Variants in OR2M3 observed in about 807,000 individuals in gnomAD.
OR2M3 encodes the protein olfactory receptor 2M3.
OR2M3 carries 1 observed loss-of-function variant against 4.3 expected under a neutral mutation model. That is an observed-to-expected ratio of 0.23 (90% CI 0.08 to 1.11). The LOEUF is 1.11. Ranked by LOEUF, OR2M3 falls within the 50% of genes most tolerant of loss-of-function variation. OR2M3 has a pLI of 0.54. For missense variants in OR2M3, 410 were observed against 390.4 expected (o/e 1.05, Z -0.42); for synonymous variants, 151 against 139.4 (o/e 1.08, Z -0.59).
Position 248,206,345 on chromosome 1 carries a change from A to G in OR2M3, c.*2339A>G, listed in dbSNP as rs1471830898. The G allele has an allele frequency of 3.3e-5, 5 of 151,998 alleles. No individual in the cohort carries two copies. The highest frequency in any genetic ancestry group is 9.7e-5 in the African/African-American group (4 of 41,388). The allele number at this position is 151,998 out of a possible 1,614,324, so 9.4% of individuals were successfully genotyped here. A position where few individuals can be genotyped will look rare whatever the true frequency, so the allele number is the denominator to read the frequency against. ...GGACTTTCAGTATTATCTTGAACAG[A>G]CATGGTGAAAGTGGACATCCTTGTC... On this transcript the variant is annotated 3_prime_UTR_variant, in exon 2 of 2. Coordinates refer to ENST00000641626, the MANE Select transcript of OR2M3 (RefSeq NM_001004689.2).
intron 1 of OR2M3, among the ~76,000 whole-genome samples, chr1:248,201,523 C>A (rs1267542224): frequency 3.3e-5 from 5 of 151,900 alleles, no homozygotes; most frequent in African/African-American, 9.7e-5. Context: ...TATACATGTG[C>A]CATGCTGGTG....
intron 1 of OR2M3, among the ~76,000 whole-genome samples, chr1:248,199,240 C>T (rs1366154493): frequency 6.6e-6 from 1 of 151,694 alleles, no homozygotes; most frequent in Non-Finnish European, 1.5e-5. Context: ...AATGTTGTAC[C>T]TCATTATGTG....
Position 248,204,197 on chromosome 1 carries a change from G to A in OR2M3, c.*191G>A. 1 of 471,428 alleles carries A rather than the reference G, an allele frequency of 2.1e-6. No individual in the cohort carries two copies. 29.2% of individuals were successfully genotyped at this position (471,428 alleles called of 1,614,324 possible). ...ATTATTTTATATTCATTTCTGCTAT[G>A]ACCACAATGTAAGTCATTTCCAATA... On this transcript the variant is annotated 3_prime_UTR_variant, in exon 2 of 2. Transcript: ENST00000641626.
chr1:248,209,861 G>C lies in OR2M3; in HGVS notation c.*5855G>C, dbSNP rs753709259. On this transcript the variant is annotated 3_prime_UTR_variant, in exon 2 of 2. Coordinates refer to ENST00000641626, the MANE Select transcript of OR2M3 (RefSeq NM_001004689.2). ...CTAGGGACACCTGGTCAAGTATTCA[G>C]GTTTCTCAGGTGATGGGTGAGGCCA... 7 of 152,310 alleles carry C rather than the reference G, an allele frequency of 4.6e-5. No individual in the cohort carries two copies. Among genetic ancestry groups the C allele is most frequent in the Middle Eastern group, 3.4e-3 (1 of 296 alleles). The allele number at this position is 152,310 out of a possible 1,614,324, so 9.4% of individuals were successfully genotyped here. A position where few individuals can be genotyped will look rare whatever the true frequency, so the allele number is the denominator to read the frequency against.
rs1195851974 is a variant in OR2M3 at position 248,207,953 on chromosome 1, G to C, written c.*3947G>C. On this transcript the variant is annotated 3_prime_UTR_variant, in exon 2 of 2. Coordinates refer to ENST00000641626, the MANE Select transcript of OR2M3 (RefSeq NM_001004689.2). ...GCATTGTCATCTATCTCCTTTCTTAGGTCTAGTAGTAATTGTTTTATAAAT... is the reference window on the plus strand; with the variant it reads ...GCATTGTCATCTATCTCCTTTCTTACGTCTAGTAGTAATTGTTTTATAAAT... The C allele has an allele frequency of 2.0e-5, 3 of 151,780 alleles. No homozygotes were observed. The highest frequency in any genetic ancestry group is 6.6e-5 in the Admixed American group (1 of 15,230). 9.4% of individuals were successfully genotyped at this position (151,780 alleles called of 1,614,324 possible). A position where few individuals can be genotyped will look rare whatever the true frequency, so the allele number is the denominator to read the frequency against.
rs1231801257 is a variant in OR2M3, at chr1:248,204,630, T to TATAC, written c.*625_*626insTACA. On this transcript the variant is annotated 3_prime_UTR_variant, in exon 2 of 2. Coordinates refer to ENST00000641626, the MANE Select transcript of OR2M3 (RefSeq NM_001004689.2). ...GTGTGTATATAGATATATATATATA[T>TATAC]ACGTATATATATACACACACACATA... The TATAC allele has an allele frequency of 2.0e-5, 3 of 151,724 alleles. No individual in the cohort carries two copies. Among genetic ancestry groups the TATAC allele is most frequent in the African/African-American group, 7.3e-5 (3 of 41,224 alleles). 9.4% of individuals were successfully genotyped at this position (151,724 alleles called of 1,614,324 possible).
Position 248,203,937 on chromosome 1 carries a change from C to T in OR2M3, c.870C>T (p.Tyr290=), listed in dbSNP as rs2103014379. 6.2e-7 allele frequency: 1 copy of T among 1,613,924 alleles called. No homozygotes were observed. Among genetic ancestry groups the T allele is most frequent in the Non-Finnish European group, 8.5e-7 (1 of 1,179,922 alleles). The part of the protein sequence containing the change: ...ILTPMLNPLI[Y]SLRNKEVTRA... ...CTCCCATGTTGAATCCCCTCATCTACAGCCTCCGCAACAAGGAGGTGACCA... is the reference window on the plus strand; with the variant it reads ...CTCCCATGTTGAATCCCCTCATCTATAGCCTCCGCAACAAGGAGGTGACCA... The change falls in exon 2 of 2, where the codon TAC becomes TAT. Residue 290 remains tyrosine (Y), a synonymous_variant. Transcript: ENST00000641626.
rs1341364409 is a variant in OR2M3, at chr1:248,212,250, A to T, written c.*8244A>T. On this transcript the variant is annotated 3_prime_UTR_variant, in exon 2 of 2. Transcript: ENST00000641626. ...ATTTTAAATATTAATTCATAATGCT[A>T]TACATTAATGACTCTAGAATATGCA... 1 of 152,192 alleles carries T rather than the reference A, an allele frequency of 6.6e-6. No individual in the cohort carries two copies. The highest frequency in any genetic ancestry group is 1.9e-4 in the East Asian group (1 of 5,178). The allele number at this position is 152,192 out of a possible 1,614,324, so 9.4% of individuals were successfully genotyped here.
At position 248,208,879 on chromosome 1, in the gene OR2M3, G is replaced by A. The variant is rs2103015666; in HGVS notation, c.*4873G>A. 1 of 152,298 alleles carries A rather than the reference G, an allele frequency of 6.6e-6. No individual in the cohort carries two copies. Among genetic ancestry groups the A allele is most frequent in the Middle Eastern group, 3.4e-3 (1 of 294 alleles). 9.4% of individuals were successfully genotyped at this position (152,298 alleles called of 1,614,324 possible). A position where few individuals can be genotyped will look rare whatever the true frequency, so the allele number is the denominator to read the frequency against. ...GAGTTTGGATGTTTAGATCCAGCAA[G>A]GCTGGTAGTAATTTTCCTCTATTAT... On this transcript the variant is annotated 3_prime_UTR_variant, in exon 2 of 2. Transcript: ENST00000641626.
In OR2M3 at chr1:248,209,341, T is replaced by C. The variant is rs1356623050; in HGVS notation, c.*5335T>C. On this transcript the variant is annotated 3_prime_UTR_variant, in exon 2 of 2. Coordinates refer to ENST00000641626, the MANE Select transcript of OR2M3 (RefSeq NM_001004689.2). ...TTCAGAGATTTCCTCTTCGTTTGGA[T>C]CCATTGGTGGTGAACTGGTGTGATC... The C allele has an allele frequency of 2.0e-5, 3 of 152,216 alleles. No homozygotes were observed. The highest frequency in any genetic ancestry group is 6.5e-5 in the Admixed American group (1 of 15,280). 9.4% of individuals were successfully genotyped at this position (152,216 alleles called of 1,614,324 possible).
rs1378987022 is a variant in OR2M3, at chr1:248,209,615, G to A, written c.*5609G>A. The stretch of plus-strand genomic sequence containing the variant: ...GCTACCAGGTTCCATACTGGTACTT[G>A]GGAGTGTCTGCAAAGATCCTGTAAT... On this transcript the variant is annotated 3_prime_UTR_variant, in exon 2 of 2. Coordinates refer to ENST00000641626, the MANE Select transcript of OR2M3 (RefSeq NM_001004689.2). The A allele has an allele frequency of 6.6e-6, 1 of 152,124 alleles. No homozygotes were observed. Among genetic ancestry groups the A allele is most frequent in the African/African-American group, 2.4e-5 (1 of 41,408 alleles). The allele number at this position is 152,124 out of a possible 1,614,324, so 9.4% of individuals were successfully genotyped here. A position where few individuals can be genotyped will look rare whatever the true frequency, so the allele number is the denominator to read the frequency against.
chr1:248,207,224 G>A lies in OR2M3; in HGVS notation c.*3218G>A, dbSNP rs954920903. The A allele has an allele frequency of 3.3e-5, 5 of 151,858 alleles. No individual in the cohort carries two copies. The highest frequency in any genetic ancestry group is 7.4e-5 in the Non-Finnish European group (5 of 67,928). 9.4% of individuals were successfully genotyped at this position (151,858 alleles called of 1,614,324 possible). On this transcript the variant is annotated 3_prime_UTR_variant, in exon 2 of 2. Coordinates refer to ENST00000641626, the MANE Select transcript of OR2M3 (RefSeq NM_001004689.2). ...TCTTTTTTGGTTAATCTTGCTAATG[G>A]TCTATCAACTTTATTCGTCTTTTTA... is the stretch of plus-strand genomic sequence containing the variant.
rs926656803 is a variant in OR2M3 at position 248,206,923 on chromosome 1, G to A, written c.*2917G>A. On this transcript the variant is annotated 3_prime_UTR_variant, in exon 2 of 2. Coordinates refer to ENST00000641626, the MANE Select transcript of OR2M3 (RefSeq NM_001004689.2). ...TTTGAATGTCTGATAGAATTCAGCT[G>A]TGAATCTGTCTGGTCCTGGACTTTT... 7 of 152,012 alleles carry A rather than the reference G, an allele frequency of 4.6e-5. No individual in the cohort carries two copies. Among genetic ancestry groups the A allele is most frequent in the African/African-American group, 1.7e-4 (7 of 41,406 alleles). The allele number at this position is 152,012 out of a possible 1,614,324, so 9.4% of individuals were successfully genotyped here. A position where few individuals can be genotyped will look rare whatever the true frequency, so the allele number is the denominator to read the frequency against.
chr1:248,200,231 T>C (rs952123581), intron 1 of OR2M3, among the ~76,000 whole-genome samples: 1 of 152,124 alleles, frequency 6.6e-6, no homozygotes, highest in Non-Finnish European at 1.5e-5. Flanking sequence ...TTACAACAGT[T>C]GACAACTTCA....
In OR2M3 at chr1:248,207,227, T is replaced by G. The variant is rs1219254119; in HGVS notation, c.*3221T>G. ...TTTTTGGTTAATCTTGCTAATGGTC[T>G]ATCAACTTTATTCGTCTTTTTAAAG... On this transcript the variant is annotated 3_prime_UTR_variant, in exon 2 of 2. Transcript: ENST00000641626. 3 of 152,228 alleles carry G rather than the reference T, an allele frequency of 2.0e-5. No individual in the cohort carries two copies. The highest frequency in any genetic ancestry group is 7.2e-5 in the African/African-American group (3 of 41,572). The allele number at this position is 152,228 out of a possible 1,614,324, so 9.4% of individuals were successfully genotyped here.
In OR2M3 at chr1:248,203,353, G is replaced by T; in HGVS notation, c.286G>T (p.Gly96Cys). ...LSGSKSISMA[G>C]CATQIFFYTS... ...TGGCAGCAAGTCCATTTCTATGGCT[G>T]GTTGTGCCACACAAATTTTCTTCTA... The change falls in exon 2 of 2, where the codon GGT becomes TGT. Residue 96 changes from glycine to cysteine, a missense_variant. Transcript: ENST00000641626. 1.9e-6 allele frequency: 3 copies of T among 1,614,096 alleles called. No homozygotes were observed. The highest frequency in any genetic ancestry group is 1.6e-4 in the Middle Eastern group (1 of 6,062).
At position 248,204,066 on chromosome 1, in the gene OR2M3, T is replaced by G; in HGVS notation, c.*60T>G. The G allele has an allele frequency of 1.9e-6, 3 of 1,546,460 alleles. No homozygotes were observed. The highest frequency in any genetic ancestry group is 1.8e-6 in the Non-Finnish European group (2 of 1,123,244). On this transcript the variant is annotated 3_prime_UTR_variant, in exon 2 of 2. Transcript: ENST00000641626. ...AAATCCTTTTTTTAAATGGTCCTATTTTTCCATTAAGCCTTGAAAATGGGA... is the reference window on the plus strand; with the variant it reads ...AAATCCTTTTTTTAAATGGTCCTATGTTTCCATTAAGCCTTGAAAATGGGA...
intron 1 of OR2M3, among the ~76,000 whole-genome samples, chr1:248,197,591 T>C (rs914825024): frequency 6.6e-6 from 1 of 152,136 alleles, no homozygotes; most frequent in African/African-American, 2.4e-5. Flanking sequence ...GAAAAAGAAA[T>C]TGACAGTGAA....
chr1:248,201,770 T>G (rs949923850), intron 1 of OR2M3, among the ~76,000 whole-genome samples: 1 of 152,122 alleles, frequency 6.6e-6, no homozygotes, highest in East Asian at 1.9e-4. Context: ...ATAAAGGACA[T>G]GAACTCATCA....
Sources: allele counts gnomAD v4.1 joint callset (sites outside exome capture counted in the v4.1 genomes callset), GRCh38; gene constraint gnomAD v4.1.1; transcripts MANE v1.5; gene names NCBI Gene and HGNC (gene_info 2026-07-23, HGNC 2026-07-21).